Variants in ENAM observed in about 807,000 individuals in gnomAD.
ENAM encodes the protein amelogenesis imperfecta 2, hypocalcification (autosomal dominant).
Under a neutral mutation model 33.6 loss-of-function variants are expected in ENAM, and 21 were observed. The ratio of observed to expected loss-of-function variants is 0.63; its 90% confidence interval spans 0.44 to 0.90. ENAM has a LOEUF of 0.90. Ranked by LOEUF, ENAM falls within the 40% of genes least tolerant of loss-of-function variation. The pLI is 0.00. For missense variants in ENAM, 1,388 were observed against 1,366.9 expected (o/e 1.02, Z -0.24); for synonymous variants, 473 against 468.4 (o/e 1.01, Z -0.13).
At position 70,634,453 on chromosome 4, in the gene ENAM, C is replaced by T; in HGVS notation, c.356C>T (p.Thr119Ile). Residue 119 changes from threonine (T) to isoleucine (I), a missense_variant, in exon 6 of 9, where the codon ACC becomes ATC. Thr to Ile is a moderately conservative substitution (Grantham distance 89). Transcript: ENST00000396073. ...AAACGTCATAACAAGACTGATCAGA[C>T]CCAAGAAACCCAGAAACCCAACCAG... is the stretch of plus-strand genomic sequence containing the variant. ...APKRHNKTDQ[T>I]QETQKPNQTQ... is the part of the protein sequence containing the mutation. 1 of 1,614,108 alleles carries T rather than the reference C, an allele frequency of 6.2e-7. No homozygotes were observed. The highest frequency in any genetic ancestry group is 8.5e-7 in the Non-Finnish European group (1 of 1,180,010).
At position 70,631,394 on chromosome 4, in the gene ENAM, G is replaced by GTC. The variant is rs370175221; in HGVS notation, c.55-266_55-265dup. On this transcript the variant is annotated intron_variant, in intron 2 of 8. Coordinates refer to ENST00000396073, the MANE Select transcript of ENAM (RefSeq NM_031889.3). ...TATCTCTCTCTTTCTCTCTCTCTCT[G>GTC]TCTCTCTCTCTTTCCCTGTCTCTCT... Among the ~76,000 whole-genome samples the GTC allele has an allele frequency of 3.0e-3, 459 of 151,558 alleles. 2 individuals are homozygous for GTC. The highest frequency in any genetic ancestry group is 1.0e-2 in the African/African-American group (411 of 41,296).
intron 4 of ENAM, 98 bp downstream of exon 4, chr4:70,631,991 T>C (rs1738336734): frequency 9.1e-7 from 1 of 1,097,988 alleles, no homozygotes; most frequent in Admixed American, 1.7e-5. Context: ...TATATAATAT[T>C]TCTTATGAAA....
At position 70,644,800 on chromosome 4, in the gene ENAM, A is replaced by C. The variant is rs939047412; in HGVS notation, c.3374A>C (p.Gln1125Pro). Residue 1125 changes from glutamine to proline, a missense_variant, in exon 9 of 9, where the codon CAA becomes CCA. Gln to Pro is a moderately conservative substitution (Grantham distance 76). Transcript: ENST00000396073. ...ADEHSPFEFL[Q>P]RGTNVQDQVQ... ...GAACACAGTCCATTTGAATTCCTTC[A>C]AAGAGGGACCAATGTACAGGACCAG... 6.2e-7 allele frequency: 1 copy of C among 1,614,078 alleles called. No homozygotes were observed. The highest frequency in any genetic ancestry group is 1.3e-5 in the African/African-American group (1 of 74,942).
chr4:70,629,113 C>A, intron 1 of ENAM, 149 bp downstream of exon 1: 1 of 210,346 alleles, frequency 4.8e-6, no homozygotes, highest in South Asian at 8.5e-5. Flanking sequence ...AAACTTTAAA[C>A]TCCTTGGTTT....
At chr4:70,629,629 G>A (rs1159443623) in intron 2 of ENAM, 75 bp downstream of exon 2, 3 of 1,055,226 alleles carry the variant, frequency 2.8e-6, no homozygotes, top group Non-Finnish European at 4.5e-6. Context: ...CACTTGAGAG[G>A]GCCAAACACT....
At chr4:70,641,901 G>A (rs755105157) in intron 8 of ENAM, 114 bp from the exon 9 acceptor site, 2 of 788,976 alleles carry the variant, frequency 2.5e-6, no homozygotes, top group Non-Finnish European at 4.5e-6. Flanking sequence ...TAAAGCTAAT[G>A]ATGTTAAAAG....
intron 2 of ENAM, among the ~76,000 whole-genome samples, chr4:70,630,009 G>A (rs1352139539): frequency 6.6e-6 from 1 of 152,110 alleles, no homozygotes. Context: ...AGCAAAGAAA[G>A]CTTTCACCAG....
At chr4:70,634,083 G>A (rs1352097090) in intron 5 of ENAM, among the ~76,000 whole-genome samples, 4 of 152,084 alleles carry the variant, frequency 2.6e-5, no homozygotes, top group Admixed American at 6.5e-5. Context: ...ACCTAATTCT[G>A]CCTTTTGGTT....
intron 5 of ENAM, 98 bp from the exon 6 acceptor site, chr4:70,634,210 A>T: frequency 1.7e-6 from 2 of 1,194,930 alleles, no homozygotes; most frequent in Non-Finnish European, 2.5e-6. Flanking sequence ...CAGGACTTTT[A>T]AGCTCTTTGG....
At chr4:70,636,768 C>CAA (rs750591349) in intron 7 of ENAM, among the ~76,000 whole-genome samples, 2 of 86,918 alleles carry the variant, frequency 2.3e-5, no homozygotes, top group Non-Finnish European at 2.4e-5. Context: ...GACTCCGTCT[C>CAA]AAAAAAAAAA....
In ENAM at chr4:70,643,850, C is replaced by T; in HGVS notation, c.2424C>T (p.Pro808=). 1 of 1,614,154 alleles carries T rather than the reference C, an allele frequency of 6.2e-7. No individual in the cohort carries two copies. Among genetic ancestry groups the T allele is most frequent in the Non-Finnish European group, 8.5e-7 (1 of 1,180,020 alleles). ...ARPPDQKGNQ[P]YYSNTPAGLQ... is the part of the protein sequence containing the mutation. Reference sequence around the variant, plus strand: ...CACCAGACCAGAAAGGTAACCAGCCCTATTACAGTAACACCCCAGCTGGGC... The same window carrying T: ...CACCAGACCAGAAAGGTAACCAGCCTTATTACAGTAACACCCCAGCTGGGC... The change falls in exon 9 of 9, where the codon CCC becomes CCT. Residue 808 remains proline, a synonymous_variant. Transcript: ENST00000396073.
In ENAM at chr4:70,646,290, T is replaced by A. The variant is rs192412515; in HGVS notation, c.*1435T>A. The A allele has an allele frequency of 3.3e-4, 51 of 152,272 alleles. No individual in the cohort carries two copies. The highest frequency in any genetic ancestry group is 1.2e-3 in the African/African-American group (48 of 41,560). The allele number at this position is 152,272 out of a possible 1,614,324, so 9.4% of individuals were successfully genotyped here. A position where few individuals can be genotyped will look rare whatever the true frequency, so the allele number is the denominator to read the frequency against. The stretch of plus-strand genomic sequence containing the variant: ...GCCTATTATCTGGATGTCCCTTGCC[T>A]AGAGCAGGAAAAAAGTCTCAGAATT... On this transcript the variant is annotated 3_prime_UTR_variant, in exon 9 of 9. Coordinates refer to ENST00000396073, the MANE Select transcript of ENAM (RefSeq NM_031889.3).
intron 7 of ENAM, among the ~76,000 whole-genome samples, chr4:70,637,465 G>A (rs948794968): frequency 6.6e-6 from 1 of 152,222 alleles, no homozygotes; most frequent in African/African-American, 2.4e-5. Flanking sequence ...TGTGCATGGT[G>A]TGTGTTTGTT....
intron 6 of ENAM, among the ~76,000 whole-genome samples, chr4:70,635,171 G>A (rs1209388551): frequency 2.6e-5 from 4 of 152,268 alleles, no homozygotes; most frequent in African/African-American, 9.6e-5. Flanking sequence ...GAGGTCAGGA[G>A]TTCAAGACCA....
chr4:70,642,401 A>G lies in ENAM; in HGVS notation c.975A>G (p.Ile325Met). The change falls in exon 9 of 9, where the codon ATA becomes ATG. Residue 325 changes from isoleucine to methionine, a missense_variant. By Grantham distance (10) the Ile-to-Met change is conservative (BLOSUM62 1). Coordinates refer to ENST00000396073, the MANE Select transcript of ENAM (RefSeq NM_031889.3). ...GTGAAAATCATCCATATCCTAATAT[A>G]AGAAATTTTCCTTCAGGAAGACAGT... ...NIRENHPYPN[I>M]RNFPSGRQWY... 6.2e-7 allele frequency: 1 copy of G among 1,614,222 alleles called. No homozygotes were observed. The highest frequency in any genetic ancestry group is 8.5e-7 in the Non-Finnish European group (1 of 1,180,036).
Position 70,644,378 on chromosome 4 carries a change from T to A in ENAM, c.2952T>A (p.Pro984=). Residue 984 remains proline, a synonymous_variant, in exon 9 of 9, where the codon CCT becomes CCA. Coordinates refer to ENST00000396073, the MANE Select transcript of ENAM (RefSeq NM_031889.3). ...EASSLQSKNT[P]CLKNDLGGDG... Reference sequence around the variant, plus strand: ...GTTCCCTTCAATCAAAGAATACACCTTGTCTCAAAAATGATCTTGGAGGAG... The same window carrying A: ...GTTCCCTTCAATCAAAGAATACACCATGTCTCAAAAATGATCTTGGAGGAG... 1 of 1,614,156 alleles carries A rather than the reference T, an allele frequency of 6.2e-7. No individual in the cohort carries two copies. Among genetic ancestry groups the A allele is most frequent in the South Asian group, 1.1e-5 (1 of 91,084 alleles).
chr4:70,642,363 C>T lies in ENAM; in HGVS notation c.937C>T (p.Gln313Ter). The change falls in exon 9 of 9, where the codon CAG (glutamine) becomes TAG (stop). Residue 313 changes from glutamine to a stop codon, truncating the protein, a stop_gained. Transcript: ENST00000396073. LOFTEE classifies it low-confidence loss of function (END_TRUNC). ...AAGTCAAATCCCATGGAGACCAAGT[C>T]AGCCAAATATTCGTGAAAATCATCC... ...PGSQIPWRPS[Q>*]PNIRENHPYP... is the part of the protein sequence containing the mutation. The T allele has an allele frequency of 1.9e-6, 3 of 1,614,172 alleles. No homozygotes were observed. Among genetic ancestry groups the T allele is most frequent in the Non-Finnish European group, 2.5e-6 (3 of 1,180,022 alleles).
intron 4 of ENAM, among the ~76,000 whole-genome samples, chr4:70,632,435 T>C (rs887070541): frequency 6.6e-6 from 1 of 152,044 alleles, no homozygotes; most frequent in Non-Finnish European, 1.5e-5. Flanking sequence ...GACTTAAAAG[T>C]TAAACTGCCT....
At position 70,646,340 on chromosome 4, in the gene ENAM, T is replaced by C. The variant is rs1738762344; in HGVS notation, c.*1485T>C. On this transcript the variant is annotated 3_prime_UTR_variant, in exon 9 of 9. Transcript: ENST00000396073. ...TACCTAAAAACATACTTTATAACTT[T>C]AAGAGATTTCTTAGGATACATCTTC... 6.6e-6 allele frequency: 1 copy of C among 152,154 alleles called. No homozygotes were observed. The highest frequency in any genetic ancestry group is 2.4e-5 in the African/African-American group (1 of 41,426). The allele number at this position is 152,154 out of a possible 1,614,324, so 9.4% of individuals were successfully genotyped here.
Sources: allele counts gnomAD v4.1 joint callset (sites outside exome capture counted in the v4.1 genomes callset), GRCh38; gene constraint gnomAD v4.1.1; transcripts MANE v1.5; gene names NCBI Gene and HGNC (gene_info 2026-07-23, HGNC 2026-07-21).